The following LRP6 variants were observed in gnomAD, a reference collection of about 807,000 sequenced individuals.
LRP6 encodes the protein low-density lipoprotein receptor-related protein 6.
Under a neutral mutation model 184.1 loss-of-function variants are expected in LRP6, and 43 were observed. The ratio of observed to expected loss-of-function variants is 0.23; its 90% CI spans 0.18 to 0.30. The LOEUF (loss-of-function observed/expected upper bound fraction) is 0.30. Ranked by LOEUF, LRP6 falls within the 10% of genes least tolerant of loss-of-function variation. The pLI is 1.00. For synonymous variants in LRP6, 719 were observed against 684.9 expected (o/e 1.05, Z -0.78); for missense variants, 1,571 against 2,005.3 (o/e 0.78, Z 4.14).
chr12:12,259,962 TC>T (rs1476056392), intron 1 of LRP6, among the ~76,000 whole-genome samples: 1 of 152,206 alleles, frequency 6.6e-6, no homozygotes, highest in African/African-American at 2.4e-5. Context: ...CAATTAGATG[TC>T]TTGATAAAAT....
At chr12:12,257,164 G>T (rs1052782942) in intron 1 of LRP6, among the ~76,000 whole-genome samples, 3 of 152,172 alleles carry the variant, frequency 2.0e-5, no homozygotes, top group African/African-American at 7.2e-5. Flanking sequence ...AAGCGTTCTG[G>T]AATGAGATAG....
Position 12,131,039 on chromosome 12 carries a change from T to C in LRP6, c.3971-146A>G, listed in dbSNP as rs1347971795. ...TTAAATATTATTCTCTGGAGTTCCA[T>C]TGGTTGAGAGAGAGAAAAAAGAGTA... On this transcript the variant is annotated intron_variant, in intron 18 of 22. Coordinates refer to ENST00000261349, the MANE Select transcript of LRP6 (RefSeq NM_002336.3). 4 of 617,346 alleles carry C rather than the reference T, an allele frequency of 6.5e-6. No homozygotes were observed. In the South Asian group the frequency reaches 7.9e-5, roughly 12 times the overall value. The allele number at this position is 617,346 out of a possible 1,614,324, so 38.2% of individuals were successfully genotyped here. A position where few individuals can be genotyped will look rare whatever the true frequency, so the allele number is the denominator to read the frequency against.
chr12:12,150,281 AC>A (rs1314627587), intron 13 of LRP6, among the ~76,000 whole-genome samples: 1 of 152,196 alleles, frequency 6.6e-6, no homozygotes, highest in Non-Finnish European at 1.5e-5. Context: ...TATAATTATG[AC>A]CAAAAAAACC....
chr12:12,189,370 C>G (rs1358965927), intron 3 of LRP6, among the ~76,000 whole-genome samples: 1 of 152,166 alleles, frequency 6.6e-6, no homozygotes, highest in Admixed American at 6.5e-5. Context: ...AATTTTAAGA[C>G]ACATATTTTC....
chr12:12,226,383 A>AT (rs1864624391), intron 2 of LRP6, among the ~76,000 whole-genome samples: 1 of 152,244 alleles, frequency 6.6e-6, no homozygotes, highest in African/African-American at 2.4e-5. Flanking sequence ...ATATTGCAAT[A>AT]AACAGACAAG....
At chr12:12,206,457 G>A (rs567583637) in intron 2 of LRP6, among the ~76,000 whole-genome samples, 16 of 151,254 alleles carry the variant, frequency 1.1e-4, no homozygotes, top group Non-Finnish European at 2.1e-4. Flanking sequence ...GCAGGAGAAT[G>A]GCGTGAACCC....
At chr12:12,129,721 T>C (rs575425320) in intron 19 of LRP6, among the ~76,000 whole-genome samples, 1 of 152,104 alleles carries the variant, frequency 6.6e-6, no homozygotes, top group East Asian at 1.9e-4. Context: ...CCCAGCTAAT[T>C]TTTGTATTTT....
intron 2 of LRP6, among the ~76,000 whole-genome samples, chr12:12,214,771 T>C (rs1034303823): frequency 4.6e-5 from 7 of 152,224 alleles, no homozygotes; most frequent in Middle Eastern, 3.2e-3. Flanking sequence ...AGATAGGTTT[T>C]GGATAAACAT....
At position 12,125,405 on chromosome 12, in the gene LRP6, C is replaced by A. The variant is rs748873699; in HGVS notation, c.4340G>T (p.Ser1447Ile). Residue 1447 changes from serine to isoleucine, a missense_variant, in exon 21 of 23, where the codon AGC becomes ATC. Transcript: ENST00000261349. ...PGMSRGKSMI[S>I]SLSIMGGSSG... ...GCTTCCCCCCATGATACTGAGGGAG[C>A]TGATCATTGATTTACCTCGAGACAT... is the stretch of plus-strand genomic sequence containing the variant. 6 of 1,613,904 alleles carry A rather than the reference C, an allele frequency of 3.7e-6. No individual in the cohort carries two copies. Among genetic ancestry groups the A allele is most frequent in the Non-Finnish European group, 5.1e-6 (6 of 1,179,942 alleles).
chr12:12,233,070 A>C (rs1411289285), intron 2 of LRP6, among the ~76,000 whole-genome samples: 1 of 152,220 alleles, frequency 6.6e-6, no homozygotes, highest in South Asian at 2.1e-4. Context: ...CCTATGAGGC[A>C]TTCATGTCAA....
intron 1 of LRP6, 98 bp from the exon 2 acceptor site, chr12:12,244,753 C>T (rs923682884): frequency 9.4e-7 from 1 of 1,067,726 alleles, no homozygotes; most frequent in East Asian, 2.6e-5. Context: ...CAAAGACTGT[C>T]GAAAATAAGA....
At chr12:12,222,100 G>C (rs967915362) in intron 2 of LRP6, among the ~76,000 whole-genome samples, 5 of 152,102 alleles carry the variant, frequency 3.3e-5, no homozygotes, top group African/African-American at 9.7e-5. Context: ...AATTGGGAAG[G>C]GGGATTTGAA....
At chr12:12,262,060 T>C (rs1200420475) in intron 1 of LRP6, among the ~76,000 whole-genome samples, 1 of 152,094 alleles carries the variant, frequency 6.6e-6, no homozygotes, top group Non-Finnish European at 1.5e-5. Flanking sequence ...CTGACCAATA[T>C]GGTGAAACCC....
At chr12:12,237,846 T>C (rs575431989) in intron 2 of LRP6, among the ~76,000 whole-genome samples, 23 of 152,354 alleles carry the variant, frequency 1.5e-4, no homozygotes, top group African/African-American at 4.6e-4. Flanking sequence ...AATGGTATCC[T>C]GGACCAGAGA....
chr12:12,193,605 C>T (rs1192306665), intron 3 of LRP6, among the ~76,000 whole-genome samples: 2 of 151,908 alleles, frequency 1.3e-5, no homozygotes, highest in South Asian at 2.1e-4. Context: ...CCATAAACAA[C>T]TTTATGCCAA....
intron 13 of LRP6, among the ~76,000 whole-genome samples, chr12:12,150,348 T>G (rs1186229214): frequency 6.6e-6 from 1 of 152,230 alleles, no homozygotes; most frequent in African/African-American, 2.4e-5. Context: ...GTGTTATATG[T>G]TTCATATCCT....
At position 12,170,791 on chromosome 12, in the gene LRP6, TCACACACACACACA is replaced by T. The variant is rs10571241; in HGVS notation, c.1546-5510_1546-5497del. Among the ~76,000 whole-genome samples the T allele has an allele frequency of 9.1e-4, 130 of 142,902 alleles. 2 individuals carry two copies. The highest frequency in any genetic ancestry group is 7.4e-3 in the Middle Eastern group (2 of 270). 93.7% of individuals were successfully genotyped at this position (142,902 alleles called of 152,430 possible). On this transcript the variant is annotated intron_variant, in intron 7 of 22. Transcript: ENST00000261349. ...ATTCTAATATGAAGTTAAAATTACT[TCACACACACACACA>T]CACACACACACACACACACACACAC... is the stretch of plus-strand genomic sequence containing the variant.
At chr12:12,257,487 G>A (rs369767853) in intron 1 of LRP6, among the ~76,000 whole-genome samples, 4 of 150,728 alleles carry the variant, frequency 2.7e-5, no homozygotes, top group Non-Finnish European at 4.4e-5. Flanking sequence ...AAGCTGAGGC[G>A]GGAGAATGGC....
At chr12:12,247,269 T>A (rs1020618143) in intron 1 of LRP6, among the ~76,000 whole-genome samples, 4 of 152,194 alleles carry the variant, frequency 2.6e-5, no homozygotes, top group African/African-American at 9.6e-5. Flanking sequence ...AGAGTGATAA[T>A]CATCTAATAT....
Sources: gnomAD v4.1 joint callset for allele counts (sites outside exome capture counted in the v4.1 genomes callset) on GRCh38, gnomAD v4.1.1 for gene constraint, MANE v1.5 for transcripts, NCBI Gene and HGNC (gene_info 2026-07-23, HGNC 2026-07-21) for gene names.